Variants in GPHN observed in about 807,000 individuals in gnomAD.
GPHN encodes the protein gephyrin.
In GPHN, 17 loss-of-function variants were observed where a neutral mutation model predicts 95.5. That is an observed-to-expected ratio of 0.18 (90% CI 0.12 to 0.27). The LOEUF (loss-of-function observed/expected upper bound fraction) is 0.27. Ranked by LOEUF, GPHN falls within the 10% of genes least tolerant of loss-of-function variation. The pLI, the probability that GPHN is intolerant of heterozygous loss-of-function variation, is 1.00. For missense variants in GPHN, 660 were observed against 978.1 expected, an observed-to-expected ratio of 0.67 and a Z score of 4.34; for synonymous variants, 320 against 322.5, an observed-to-expected ratio of 0.99 and a Z score of 0.08.
intron 4 of GPHN, among the ~76,000 whole-genome samples, chr14:66,877,784 T>C (rs1018745341): frequency 3.3e-5 from 5 of 152,060 alleles, no homozygotes; most frequent in Admixed American, 6.6e-5. Flanking sequence ...AGAATCAATA[T>C]TGTGAAAATG....
At chr14:67,277,390 A>G in the GPHN span, among the ~76,000 whole-genome samples, 10 of 152,156 alleles carry the variant, frequency 6.6e-5, no homozygotes, top group African/African-American at 2.2e-4. Context: ...CTGATAGCCT[A>G]GTTGGGTTTG....
the GPHN span, among the ~76,000 whole-genome samples, chr14:67,680,376 C>A: frequency 6.6e-6 from 1 of 152,166 alleles, no homozygotes; most frequent in East Asian, 1.9e-4. Flanking sequence ...GCCTTATACT[C>A]TTCATAAGGT....
At chr14:67,332,092 T>C in the GPHN span, among the ~76,000 whole-genome samples, 8 of 152,322 alleles carry the variant, frequency 5.3e-5, no homozygotes, top group South Asian at 1.7e-3. Context: ...ATCTGAGACA[T>C]TTTGTCTTGA....
chr14:67,125,641 G>A (rs974611134), intron 17 of GPHN, among the ~76,000 whole-genome samples: 1 of 152,174 alleles, frequency 6.6e-6, no homozygotes, highest in African/African-American at 2.4e-5. Context: ...GCTAGGCATG[G>A]TGGTGCATGC....
chr14:66,780,596 A>G (rs2059570364), intron 3 of GPHN, among the ~76,000 whole-genome samples: 2 of 152,044 alleles, frequency 1.3e-5, no homozygotes, highest in Non-Finnish European at 1.5e-5. Flanking sequence ...TTCCTTTTAA[A>G]AAAAGCAGGA....
intron 3 of GPHN, among the ~76,000 whole-genome samples, chr14:66,794,422 A>G (rs1274109894): frequency 6.6e-6 from 1 of 152,230 alleles, no homozygotes; most frequent in African/African-American, 2.4e-5. Context: ...AGCCTGCAGA[A>G]CTGTGAGCCA....
chr14:66,619,006 A>G (rs982475836), intron 1 of GPHN, among the ~76,000 whole-genome samples: 2 of 152,140 alleles, frequency 1.3e-5, no homozygotes, highest in African/African-American at 4.8e-5. Context: ...CTTTATGTAA[A>G]TAGATAGTTA....
intron 4 of GPHN, chr14:66,842,605 A>G: frequency 1.9e-6 from 2 of 1,028,022 alleles, no homozygotes; most frequent in Non-Finnish European, 2.9e-6. Flanking sequence ...CAGTTTGTAC[A>G]GCCCTAAATT....
At position 66,576,738 on chromosome 14, in the gene GPHN, T is replaced by C. The variant is rs1203366744; in HGVS notation, c.64+68147T>C. Reference sequence around the variant, plus strand: ...AGTGCTGCCAGCAGAATAATGTATTTATGTAATCAAGACTATTATGATTAA... The same window carrying C: ...AGTGCTGCCAGCAGAATAATGTATTCATGTAATCAAGACTATTATGATTAA... On this transcript the variant is annotated intron_variant, in intron 1 of 22. Transcript: ENST00000478722. 1.3e-5 allele frequency among the ~76,000 whole-genome samples: 2 copies of C among 152,288 alleles called. 1 individual carries two copies. Among genetic ancestry groups the C allele is most frequent in the East Asian group, 3.9e-4 (2 of 5,180 alleles).
chr14:67,459,957 T>C, the GPHN span, among the ~76,000 whole-genome samples: 1 of 152,204 alleles, frequency 6.6e-6, no homozygotes, highest in African/African-American at 2.4e-5. Flanking sequence ...AGTAGGGGGA[T>C]AGCTAAGCTA....
At chr14:66,655,564 T>A (rs2065257836) in intron 1 of GPHN, among the ~76,000 whole-genome samples, 1 of 152,130 alleles carries the variant, frequency 6.6e-6, no homozygotes, top group South Asian at 2.1e-4. Context: ...TTTATCTCCT[T>A]CTTTCCAGTC....
the GPHN span, among the ~76,000 whole-genome samples, chr14:67,200,841 A>G: frequency 3.3e-5 from 5 of 152,298 alleles, no homozygotes; most frequent in East Asian, 1.9e-4. Flanking sequence ...ATTACATAGT[A>G]CTTGTCCAAC....
At chr14:67,535,370 C>CTTTTTT in the GPHN span, among the ~76,000 whole-genome samples, 7 of 74,228 alleles carry the variant, frequency 9.4e-5, no homozygotes, top group African/African-American at 1.8e-4. Flanking sequence ...GTGAGCACAT[C>CTTTTTT]TTTTTTTTTT....
chr14:67,517,887 C>T, the GPHN span, among the ~76,000 whole-genome samples: 4 of 152,294 alleles, frequency 2.6e-5, no homozygotes, highest in South Asian at 4.1e-4. Context: ...CCCTTGCAAG[C>T]TCCTTTCTGT....
the GPHN span, among the ~76,000 whole-genome samples, chr14:67,671,211 T>G: frequency 1.3e-5 from 2 of 152,192 alleles, no homozygotes; most frequent in African/African-American, 4.8e-5. Context: ...ATTAAACAAC[T>G]ATGTCTGTTA....
At chr14:67,366,619 T>C in the GPHN span, among the ~76,000 whole-genome samples, 1 of 152,194 alleles carries the variant, frequency 6.6e-6, no homozygotes, top group African/African-American at 2.4e-5. Flanking sequence ...TATTTTGATA[T>C]GGAAGATCTC....
the GPHN span, chr14:67,650,595 T>C: frequency 2.3e-6 from 2 of 860,702 alleles, no homozygotes; most frequent in Admixed American, 4.4e-5. Context: ...AATAGGTATT[T>C]TCTACTATAA....
intron 1 of GPHN, among the ~76,000 whole-genome samples, chr14:66,580,479 TAAAG>T (rs80161603): frequency 0.31 from 46,830 of 151,044 alleles, 11,007 homozygotes; most frequent in African/African-American, 0.63. Flanking sequence ...AGTGAAGAGT[TAAAG>T]AAAATCAGAA....
intron 2 of GPHN, among the ~76,000 whole-genome samples, chr14:66,757,768 A>G (rs2058617071): frequency 6.6e-6 from 1 of 152,176 alleles, no homozygotes; most frequent in African/African-American, 2.4e-5. Context: ...TACTGTATGC[A>G]CTTCCCTAAC....
Sources: gnomAD v4.1 joint callset for allele counts (sites outside exome capture counted in the v4.1 genomes callset) on GRCh38, gnomAD v4.1.1 for gene constraint, MANE v1.5 for transcripts, NCBI Gene and HGNC (gene_info 2026-07-23, HGNC 2026-07-21) for gene names.